Variants in ELF2 observed in about 807,000 individuals in gnomAD.
ELF2 encodes the protein E74 like ETS transcription factor 2.
Under a neutral mutation model 54.8 loss-of-function variants are expected in ELF2, and 11 were observed. The observed-to-expected ratio is 0.20, with a 90% CI of 0.13 to 0.33. The LOEUF is 0.33. Ranked by LOEUF, ELF2 falls within the 10% of genes least tolerant of loss-of-function variation. The probability of loss-of-function intolerance (pLI) is 1.00; values close to 1 mark genes in which losing one functional copy is unlikely to be tolerated. For synonymous variants in ELF2, 203 were observed against 245.1 expected (o/e 0.83, Z 1.61); for missense variants, 513 against 703.0 (o/e 0.73, Z 3.06).
intron 7 of ELF2, among the ~76,000 whole-genome samples, chr4:139,064,723 T>C (rs2148671265): frequency 6.6e-6 from 1 of 151,860 alleles, no homozygotes; most frequent in East Asian, 1.9e-4. Flanking sequence ...CTACTAAAAA[T>C]ATAAAAATTA....
At chr4:139,139,613 C>A in intron 1 of ELF2, 116 bp from the exon 2 acceptor site, 1 of 421,468 alleles carries the variant, frequency 2.4e-6, no homozygotes, top group Non-Finnish European at 3.7e-6. Context: ...CTTCCAAAGC[C>A]ATATGTCGCA....
At chr4:139,094,559 A>C (rs1218333204) in intron 4 of ELF2, among the ~76,000 whole-genome samples, 1 of 152,220 alleles carries the variant, frequency 6.6e-6, no homozygotes, top group East Asian at 1.9e-4. Flanking sequence ...GCAACATGCA[A>C]GGATATTAGG....
At chr4:139,101,548 T>C (rs1733876744) in intron 4 of ELF2, 2 of 152,222 alleles carry the variant, frequency 1.3e-5, no homozygotes, top group Non-Finnish European at 1.5e-5. Flanking sequence ...GGGATTCTTT[T>C]TGTAAAGTGC....
intron 1 of ELF2, among the ~76,000 whole-genome samples, chr4:139,139,798 T>A (rs1172661900): frequency 6.6e-6 from 1 of 152,130 alleles, no homozygotes; most frequent in Non-Finnish European, 1.5e-5. Context: ...TCTTTTTTTT[T>A]TCTCCATTGG....
intron 5 of ELF2, 174 bp from the exon 6 acceptor site, chr4:139,072,213 G>A: frequency 1.7e-6 from 1 of 588,268 alleles, no homozygotes. Context: ...ACTACATAAG[G>A]AAAATAAATG....
rs1358014572 is a variant in ELF2, at chr4:139,102,889, T to C, written c.238+22275A>G. 2.7e-5 allele frequency among the ~76,000 whole-genome samples: 4 copies of C among 146,864 alleles called. No individual in the cohort carries two copies. In the East Asian group the frequency reaches 8.0e-4, roughly 29 times the overall value. On this transcript the variant is annotated intron_variant, in intron 4 of 9. Coordinates refer to ENST00000686138, the MANE Select transcript of ELF2 (RefSeq NM_001331036.3). ...CTAACTAGATCGGAGACATAAATGT[T>C]TTTTTTTTTCCCCCCTGAGACAGGG...
chr4:139,173,965 T>A (rs1742620107), intron 1 of ELF2, among the ~76,000 whole-genome samples: 2 of 150,626 alleles, frequency 1.3e-5, no homozygotes, highest in Admixed American at 1.3e-4. Context: ...GGCTCACCCC[T>A]GTAATCCCAG....
chr4:139,121,307 A>C (rs1443823297), intron 4 of ELF2, among the ~76,000 whole-genome samples: 3 of 150,640 alleles, frequency 2.0e-5, no homozygotes, highest in African/African-American at 4.9e-5. Context: ...ACGGGGTTTC[A>C]CCGTGTTAGC....
intron 1 of ELF2, among the ~76,000 whole-genome samples, chr4:139,175,004 G>A (rs1579003355): frequency 1.3e-5 from 2 of 152,286 alleles, no homozygotes; most frequent in East Asian, 1.9e-4. Flanking sequence ...AACAGATACC[G>A]ATGGACAATT....
intron 4 of ELF2, among the ~76,000 whole-genome samples, chr4:139,077,676 T>A (rs1423929620): frequency 6.6e-6 from 1 of 152,198 alleles, no homozygotes; most frequent in Non-Finnish European, 1.5e-5. Context: ...ACTATTTTGT[T>A]CAGATCAATA....
intron 4 of ELF2, among the ~76,000 whole-genome samples, chr4:139,121,552 A>C (rs568648171): frequency 1.2e-4 from 19 of 152,088 alleles, no homozygotes; most frequent in African/African-American, 4.6e-4. Context: ...AGTGAACATA[A>C]AAACTGTACT....
intron 4 of ELF2, among the ~76,000 whole-genome samples, chr4:139,122,981 G>A (rs1303179910): frequency 6.6e-5 from 10 of 151,176 alleles, no homozygotes; most frequent in East Asian, 4.0e-4. Flanking sequence ...TCAAGAAATC[G>A]AGACCATCCT....
chr4:139,119,085 C>T (rs1290852363), intron 4 of ELF2, among the ~76,000 whole-genome samples: 4 of 152,216 alleles, frequency 2.6e-5, no homozygotes, highest in South Asian at 2.1e-4. Context: ...TATTTGACTA[C>T]TCTTTGATTC....
At chr4:139,072,150 A>G in intron 5 of ELF2, 111 bp from the exon 6 acceptor site, 2 of 1,059,892 alleles carry the variant, frequency 1.9e-6, no homozygotes, top group East Asian at 2.6e-5. Context: ...TCAAAGCAGG[A>G]TAAGAGCTTA....
At chr4:139,087,690 A>C (rs754432643) in intron 4 of ELF2, among the ~76,000 whole-genome samples, 71 of 152,122 alleles carry the variant, frequency 4.7e-4, no homozygotes, top group Non-Finnish European at 5.4e-4. Flanking sequence ...TGGTCTCGAT[A>C]TCCTGACCTC....
At chr4:139,122,409 T>C (rs1198416631) in intron 4 of ELF2, among the ~76,000 whole-genome samples, 1 of 152,266 alleles carries the variant, frequency 6.6e-6, no homozygotes, top group Non-Finnish European at 1.5e-5. Context: ...CCAATCTTTA[T>C]TCATTTGTAT....
chr4:139,133,046 C>G (rs933479849), intron 3 of ELF2, among the ~76,000 whole-genome samples: 2 of 151,696 alleles, frequency 1.3e-5, no homozygotes, highest in Non-Finnish European at 2.9e-5. Flanking sequence ...CTCACCCTCC[C>G]AAGTAGCTGG....
chr4:139,125,574 T>C (rs1736833539), intron 3 of ELF2, among the ~76,000 whole-genome samples: 1 of 152,068 alleles, frequency 6.6e-6, no homozygotes, highest in African/African-American at 2.4e-5. Context: ...AGTTGGCAGA[T>C]TAAAAACATG....
chr4:139,128,879 G>A (rs1437464289), intron 3 of ELF2, among the ~76,000 whole-genome samples: 3 of 151,856 alleles, frequency 2.0e-5, no homozygotes, highest in Non-Finnish European at 2.9e-5. Context: ...CTGCCTCCCC[G>A]CAGACTCATA....
Sources: gnomAD v4.1 joint callset for allele counts (sites outside exome capture counted in the v4.1 genomes callset) on GRCh38, gnomAD v4.1.1 for gene constraint, MANE v1.5 for transcripts, NCBI Gene and HGNC (gene_info 2026-07-23, HGNC 2026-07-21) for gene names.